AVEN: variants seen among roughly 807,000 people sequenced by gnomAD.
AVEN encodes the protein apoptosis and caspase activation inhibitor.
In AVEN, 41 loss-of-function variants were observed where a neutral mutation model predicts 38.1. The observed-to-expected ratio is 1.08, with a 90% CI of 0.84 to 1.40. AVEN has a LOEUF of 1.40. Ranked by LOEUF, AVEN falls within the 40% of genes most tolerant of loss-of-function variation. AVEN has a pLI of 0.00. For missense variants in AVEN, 605 were observed against 438.8 expected (o/e 1.38, Z -3.38); for synonymous variants, 206 against 171.8 (o/e 1.20, Z -1.56).
chr15:33,864,451 T>A (rs11855356), downstream of AVEN, among the ~76,000 whole-genome samples: 8,390 of 152,060 alleles, frequency 0.055, 308 homozygotes, highest in African/African-American at 0.08. Flanking sequence ...AGAGACAATA[T>A]GAAATAAGAA....
intron 1 of AVEN, among the ~76,000 whole-genome samples, chr15:34,072,772 C>T (rs111347467): frequency 0.021 from 3,165 of 149,446 alleles, 116 homozygotes; most frequent in African/African-American, 0.075. Context: ...CTGCCTCAGC[C>T]TCCCGAGTAG....
At chr15:33,929,085 G>A (rs538006340) in intron 2 of AVEN, among the ~76,000 whole-genome samples, 96 of 152,202 alleles carry the variant, frequency 6.3e-4, no homozygotes, top group African/African-American at 2.2e-3. Flanking sequence ...CTTGCTTCCT[G>A]CTTATAGAAA....
intron 2 of AVEN, among the ~76,000 whole-genome samples, chr15:33,879,461 G>T (rs1025199175): frequency 6.6e-6 from 1 of 150,648 alleles, no homozygotes; most frequent in Non-Finnish European, 1.5e-5. Flanking sequence ...TAAATGACGA[G>T]TTAATGGGTG....
At chr15:33,929,670 G>A (rs1893764559) in intron 2 of AVEN, among the ~76,000 whole-genome samples, 1 of 152,092 alleles carries the variant, frequency 6.6e-6, no homozygotes, top group East Asian at 1.9e-4. Context: ...ACAAAATGGG[G>A]GGAAAATTAC....
intron 5 of AVEN, chr15:34,062,636 C>G (rs1334402717): frequency 2.2e-6 from 3 of 1,340,858 alleles, no homozygotes; most frequent in African/African-American, 2.9e-5. Flanking sequence ...GTTTCCCTCT[C>G]TTCCAGATGC....
intron 1 of AVEN, among the ~76,000 whole-genome samples, chr15:34,011,130 T>C (rs1341674846): frequency 6.6e-6 from 1 of 152,096 alleles, no homozygotes; most frequent in African/African-American, 2.4e-5. Context: ...AGCTCAAGGC[T>C]GCAGTAAGCT....
intron 3 of AVEN, among the ~76,000 whole-genome samples, chr15:33,871,980 G>A (rs1304864969): frequency 6.6e-6 from 1 of 152,204 alleles, no homozygotes; most frequent in Non-Finnish European, 1.5e-5. Flanking sequence ...AGTATTCGGT[G>A]CATTATTTTT....
At chr15:33,853,569 T>C in the AVEN span, 15 of 1,613,794 alleles carry the variant, frequency 9.3e-6, no homozygotes, top group Non-Finnish European at 1.3e-5. Context: ...TCAACAAGTA[T>C]GGAGATCTCT....
chr15:33,919,806 T>C (rs1750593977), intron 2 of AVEN, among the ~76,000 whole-genome samples: 1 of 152,158 alleles, frequency 6.6e-6, no homozygotes, highest in Non-Finnish European at 1.5e-5. Flanking sequence ...TAACACGAAG[T>C]ACAAAAAAAT....
At chr15:33,893,129 T>C (rs988510378) in intron 2 of AVEN, among the ~76,000 whole-genome samples, 1 of 152,160 alleles carries the variant, frequency 6.6e-6, no homozygotes, top group Non-Finnish European at 1.5e-5. Flanking sequence ...GCTGAGACAA[T>C]GGGGTTTTCT....
chr15:34,029,246 T>C (rs1245826154), intron 1 of AVEN, among the ~76,000 whole-genome samples: 2 of 152,184 alleles, frequency 1.3e-5, no homozygotes, highest in Non-Finnish European at 2.9e-5. Flanking sequence ...TACTTCCATA[T>C]TGTAAAAATG....
chr15:34,073,983 C>CTTTT (rs1567498505), intron 1 of AVEN, among the ~76,000 whole-genome samples: 3 of 20,816 alleles, frequency 1.4e-4, no homozygotes, highest in African/African-American at 3.6e-4. Flanking sequence ...CTTTTTTCTT[C>CTTTT]TTCTTCTTTT....
At chr15:33,860,103 G>C (rs1363388935) in intron 11 of AVEN, among the ~76,000 whole-genome samples, 3 of 151,672 alleles carry the variant, frequency 2.0e-5, no homozygotes, top group Admixed American at 1.3e-4. Flanking sequence ...GGGGAGGGGA[G>C]GGAAAGAATG....
chr15:33,933,524 C>CAGAGAGAGAG (rs3086294), intron 2 of AVEN, among the ~76,000 whole-genome samples: 1 of 46,584 alleles, frequency 2.1e-5, no homozygotes, highest in Non-Finnish European at 4.5e-5. Context: ...CACACACACA[C>CAGAGAGAGAG]AGAGAGAGAG....
chr15:34,039,720 G>T (rs544906420), upstream of AVEN, among the ~76,000 whole-genome samples: 8 of 152,298 alleles, frequency 5.3e-5, no homozygotes, highest in Admixed American at 3.3e-4. Flanking sequence ...CTGTAGAAAT[G>T]ACTACTACAG....
chr15:33,926,917 A>T (rs1449394071), intron 2 of AVEN, among the ~76,000 whole-genome samples: 2 of 152,128 alleles, frequency 1.3e-5, no homozygotes, highest in African/African-American at 4.8e-5. Flanking sequence ...AGCCTCCCAA[A>T]TTGCTAGGAT....
chr15:34,053,516 A>G (rs528837832), intron 5 of AVEN, among the ~76,000 whole-genome samples: 22 of 151,920 alleles, frequency 1.4e-4, no homozygotes, highest in African/African-American at 4.8e-4. Context: ...GAATTCAGAA[A>G]TAAAACTACA....
At chr15:34,020,070 G>A (rs1339098883) in intron 1 of AVEN, among the ~76,000 whole-genome samples, 5 of 152,184 alleles carry the variant, frequency 3.3e-5, no homozygotes. Flanking sequence ...CCAGCACTTT[G>A]GGAGGCCAAG....
chr15:33,936,464 C>T (rs1308042777), intron 2 of AVEN, among the ~76,000 whole-genome samples: 1 of 152,152 alleles, frequency 6.6e-6, no homozygotes, highest in Non-Finnish European at 1.5e-5. Flanking sequence ...ACAATAACAA[C>T]ATATTATTCT....
Sources: allele counts gnomAD v4.1 joint callset (sites outside exome capture counted in the v4.1 genomes callset), GRCh38; gene constraint gnomAD v4.1.1; transcripts MANE v1.5; gene names NCBI Gene and HGNC (gene_info 2026-07-23, HGNC 2026-07-21).